Variants in GPR158 observed in about 807,000 individuals in gnomAD.
The protein encoded by GPR158 is metabotropic glycine receptor.
Under a neutral mutation model 78.2 loss-of-function variants are expected in GPR158, and 30 were observed. The ratio of observed to expected loss-of-function variants is 0.38; its 90% confidence interval spans 0.29 to 0.52. The LOEUF is 0.52. Among genes scored for constraint, GPR158 ranks in the 20% least tolerant of loss-of-function variants. The pLI is 0.83. For synonymous variants in GPR158, 581 were observed against 591.1 expected (o/e 0.98, Z 0.25); for missense variants, 1,463 against 1,523.5 (o/e 0.96, Z 0.66).
chr10:25,348,392 GAAAGACAC>G (rs1057116636), intron 2 of GPR158, among the ~76,000 whole-genome samples: 1 of 109,468 alleles, frequency 9.1e-6, no homozygotes, highest in South Asian at 3.0e-4. Context: ...ATTTTAGGAA[GAAAGACAC>G]ACACACACAC....
In GPR158 at chr10:25,354,335, A is replaced by G. The variant is rs530940655; in HGVS notation, c.1009-41576A>G. Among the ~76,000 whole-genome samples, 13 of 151,208 alleles carry G rather than the reference A, an allele frequency of 8.6e-5. No homozygotes were observed. The South Asian group carries it at 2.7e-3, about 32-fold the overall frequency. On this transcript the variant is annotated intron_variant, in intron 2 of 10. Transcript: ENST00000376351. ...GTGCCATTGTACTCCAGCCTGGTCA[A>G]CAAGAGTGAAACTCAGTCTCAAAAA...
chr10:25,430,213 A>G (rs1390940761), intron 4 of GPR158, among the ~76,000 whole-genome samples: 1 of 152,144 alleles, frequency 6.6e-6, no homozygotes, highest in Non-Finnish European at 1.5e-5. Flanking sequence ...CTTATACACC[A>G]ATAACAGACA....
intron 2 of GPR158, among the ~76,000 whole-genome samples, chr10:25,226,406 C>T (rs566392981): frequency 1.3e-5 from 2 of 152,294 alleles, no homozygotes; most frequent in South Asian, 2.1e-4. Flanking sequence ...GTACACTTGT[C>T]AGTAACATTG....
At chr10:25,412,517 C>T (rs1834606382) in intron 4 of GPR158, 44 bp downstream of exon 4, 1 of 1,311,962 alleles carries the variant, frequency 7.6e-7, no homozygotes, top group Non-Finnish European at 1.1e-6. Context: ...TACAGAGCAA[C>T]CTCTTATCTT....
intron 7 of GPR158, among the ~76,000 whole-genome samples, chr10:25,583,656 TA>T (rs1338282102): frequency 7.6e-6 from 1 of 130,760 alleles, no homozygotes; most frequent in Non-Finnish European, 1.7e-5. Flanking sequence ...GAATTGTAAA[TA>T]TTTTTTTTTT....
intron 4 of GPR158, among the ~76,000 whole-genome samples, chr10:25,423,143 A>ATATATACGTATACG (rs1834776489): frequency 6.9e-6 from 1 of 145,920 alleles, no homozygotes; most frequent in African/African-American, 2.7e-5. Context: ...ATACATATAC[A>ATATATACGTATACG]TATATATGTA....
At chr10:25,574,518 T>C (rs758913739) in intron 7 of GPR158, among the ~76,000 whole-genome samples, 1 of 152,208 alleles carries the variant, frequency 6.6e-6, no homozygotes, top group African/African-American at 2.4e-5. Flanking sequence ...AGGAACCTTT[T>C]ATAAAGGACA....
chr10:25,440,864 C>G (rs1379573829), intron 4 of GPR158, among the ~76,000 whole-genome samples: 1 of 152,100 alleles, frequency 6.6e-6, no homozygotes, highest in Non-Finnish European at 1.5e-5. Context: ...ATATAATATT[C>G]AGATAGGATC....
intron 1 of GPR158, among the ~76,000 whole-genome samples, chr10:25,201,925 C>T (rs1386701805): frequency 6.6e-6 from 1 of 151,938 alleles, no homozygotes; most frequent in African/African-American, 2.4e-5. Context: ...ATATACTGGC[C>T]TGAAGATTTT....
At chr10:25,533,960 GT>G (rs1836457639) in intron 5 of GPR158, among the ~76,000 whole-genome samples, 1 of 152,126 alleles carries the variant, frequency 6.6e-6, no homozygotes, top group Non-Finnish European at 1.5e-5. Flanking sequence ...CAGTATTGTT[GT>G]AAGAAATAAA....
intron 1 of GPR158, among the ~76,000 whole-genome samples, chr10:25,206,122 A>G (rs1234978347): frequency 6.6e-6 from 1 of 151,526 alleles, no homozygotes; most frequent in Non-Finnish European, 1.5e-5. Context: ...AGTAGCTGGG[A>G]CTACAGGCGC....
intron 4 of GPR158, among the ~76,000 whole-genome samples, chr10:25,418,072 C>A (rs912338622): frequency 6.6e-6 from 1 of 152,222 alleles, no homozygotes; most frequent in South Asian, 2.1e-4. Context: ...GCAGCTGAAC[C>A]AGTCCTTTTG....
At chr10:25,281,135 CAAA>C (rs35128473) in intron 2 of GPR158, among the ~76,000 whole-genome samples, 1 of 112,084 alleles carries the variant, frequency 8.9e-6, no homozygotes, top group Non-Finnish European at 1.8e-5. Context: ...AACTCTATCT[CAAA>C]AAAAAAAAAA....
At chr10:25,509,692 C>T (rs1244220605) in intron 5 of GPR158, among the ~76,000 whole-genome samples, 1 of 152,162 alleles carries the variant, frequency 6.6e-6, no homozygotes, top group Non-Finnish European at 1.5e-5. Context: ...CAGGTGTAAG[C>T]TGTATTGCCT....
chr10:25,590,617 C>T (rs1837329827), intron 8 of GPR158, among the ~76,000 whole-genome samples: 1 of 152,124 alleles, frequency 6.6e-6, no homozygotes, highest in African/African-American at 2.4e-5. Flanking sequence ...ATATAACAAA[C>T]ATGCTTTTCT....
chr10:25,422,304 G>C (rs967842294), intron 4 of GPR158, among the ~76,000 whole-genome samples: 1 of 152,178 alleles, frequency 6.6e-6, no homozygotes, highest in Non-Finnish European at 1.5e-5. Flanking sequence ...GGGTGAGCCA[G>C]CATTACCACC....
At chr10:25,463,211 T>G (rs1480885774) in intron 4 of GPR158, among the ~76,000 whole-genome samples, 2 of 152,156 alleles carry the variant, frequency 1.3e-5, no homozygotes, top group Non-Finnish European at 2.9e-5. Flanking sequence ...CATAAAGTAT[T>G]TTTTTCCTTA....
chr10:25,389,355 G>T (rs1834263078), intron 2 of GPR158, among the ~76,000 whole-genome samples: 1 of 152,146 alleles, frequency 6.6e-6, no homozygotes, highest in Non-Finnish European at 1.5e-5. Context: ...GGAGATGATG[G>T]GACATCCATT....
At chr10:25,538,669 C>T (rs1297329673) in intron 5 of GPR158, among the ~76,000 whole-genome samples, 1 of 152,196 alleles carries the variant, frequency 6.6e-6, no homozygotes, top group Non-Finnish European at 1.5e-5. Context: ...GTCACGGTGC[C>T]TGGCTACACA....
Sources: allele counts gnomAD v4.1 joint callset (sites outside exome capture counted in the v4.1 genomes callset), GRCh38; gene constraint gnomAD v4.1.1; transcripts MANE v1.5; gene names NCBI Gene and HGNC (gene_info 2026-07-23, HGNC 2026-07-21).